Variants in ADK observed in about 807,000 individuals in gnomAD.
The protein encoded by ADK is adenosine kinase.
ADK carries 24 observed loss-of-function variants against 44.7 expected under a neutral mutation model. That is an observed-to-expected ratio of 0.54 (90% CI 0.39 to 0.76). The LOEUF is 0.76. Among genes scored for constraint, ADK ranks in the 30% least tolerant of loss-of-function variants. The pLI is 0.00. For missense variants in ADK, 321 were observed against 425.1 expected (o/e 0.76, Z 2.15); for synonymous variants, 128 against 142.6 (o/e 0.90, Z 0.73).
rs1033538229 is a variant in ADK at position 74,573,453 on chromosome 10, G to A, written c.727-15829G>A. Among the ~76,000 whole-genome samples, 8 of 152,318 alleles carry A rather than the reference G, an allele frequency of 5.3e-5. No homozygotes were observed. In the East Asian group the frequency reaches 1.2e-3, roughly 22 times the overall value. ...CCAGTTAGGCTGCTCAGGGGTCAGC[G>A]GTCAGGGACCCACTTGAGGAGGCAG... is the stretch of plus-strand genomic sequence containing the variant. On this transcript the variant is annotated intron_variant, in intron 7 of 10. Transcript: ENST00000539909.
chr10:74,202,876 T>A (rs998288050), intron 2 of ADK, among the ~76,000 whole-genome samples: 1 of 152,252 alleles, frequency 6.6e-6, no homozygotes, highest in Admixed American at 6.5e-5. Context: ...AGCATATGAT[T>A]TGCAAACATT....
intron 3 of ADK, among the ~76,000 whole-genome samples, chr10:74,260,436 A>G (rs1846001717): frequency 6.6e-6 from 1 of 152,010 alleles, no homozygotes; most frequent in South Asian, 2.1e-4. Context: ...CACCCAGCTA[A>G]TTTTTTAATT....
chr10:74,503,681 A>C (rs1847953176), intron 6 of ADK, among the ~76,000 whole-genome samples: 1 of 152,208 alleles, frequency 6.6e-6, no homozygotes, highest in Admixed American at 6.5e-5. Context: ...ATTGGGCAGA[A>C]AAATTATTAT....
At chr10:74,550,832 T>A (rs546573277) in intron 7 of ADK, among the ~76,000 whole-genome samples, 1 of 152,340 alleles carries the variant, frequency 6.6e-6, no homozygotes, top group South Asian at 2.1e-4. Context: ...ATATCTATAA[T>A]CATATGCTAT....
chr10:74,300,546 T>G (rs1294068011), intron 3 of ADK, among the ~76,000 whole-genome samples: 1 of 151,890 alleles, frequency 6.6e-6, no homozygotes, highest in African/African-American at 2.4e-5. Flanking sequence ...CCAGCTAAGC[T>G]TTTTGTATTT....
At chr10:74,200,936 T>G (rs1189822134) in intron 2 of ADK, 98 bp downstream of exon 2, 5 of 842,996 alleles carry the variant, frequency 5.9e-6, no homozygotes, top group Non-Finnish European at 9.8e-6. Flanking sequence ...ATGTCTTCAA[T>G]TAAAGGAAAA....
chr10:74,629,770 A>T (rs558306086), intron 9 of ADK, among the ~76,000 whole-genome samples: 110 of 152,320 alleles, frequency 7.2e-4, no homozygotes, highest in African/African-American at 2.6e-3. Flanking sequence ...TAAAAGTGAC[A>T]TATGAACTGG....
At chr10:74,473,168 A>T (rs997453023) in intron 6 of ADK, among the ~76,000 whole-genome samples, 31 of 130,042 alleles carry the variant, frequency 2.4e-4, no homozygotes, top group Non-Finnish European at 2.9e-4. Flanking sequence ...ATATATATAT[A>T]TACACACACA....
chr10:74,691,207 A>G (rs1855977114), intron 10 of ADK, among the ~76,000 whole-genome samples: 1 of 152,236 alleles, frequency 6.6e-6, no homozygotes, highest in Non-Finnish European at 1.5e-5. Context: ...GCTAAGAAAG[A>G]TGGAAAATAA....
intron 3 of ADK, among the ~76,000 whole-genome samples, chr10:74,253,255 AGC>A (rs1845713068): frequency 6.6e-6 from 1 of 152,274 alleles, no homozygotes; most frequent in African/African-American, 2.4e-5. Flanking sequence ...GGCAGAGAGT[AGC>A]AGTTCAGGGC....
At chr10:74,585,479 G>A (rs139920451) in intron 7 of ADK, among the ~76,000 whole-genome samples, 7 of 152,282 alleles carry the variant, frequency 4.6e-5, no homozygotes, top group Middle Eastern at 3.4e-3. Flanking sequence ...GAAAAAAAGC[G>A]TTAATGTGAA....
chr10:74,222,521 A>C (rs1389035514), intron 2 of ADK, among the ~76,000 whole-genome samples: 1 of 152,150 alleles, frequency 6.6e-6, no homozygotes, highest in Non-Finnish European at 1.5e-5. Context: ...GTGTATACCC[A>C]AAGGACTATA....
rs575092295 is a variant in ADK, at chr10:74,413,492, T to C, written c.555+14913T>C. Among the ~76,000 whole-genome samples, 10 of 152,344 alleles carry C rather than the reference T, an allele frequency of 6.6e-5. No individual in the cohort carries two copies. The South Asian group carries it at 2.1e-3, about 32-fold the overall frequency. On this transcript the variant is annotated intron_variant, in intron 6 of 10. Transcript: ENST00000539909. ...TTTCAACCTCACAAATTAGCCTCTCTTAGCTTCAGACTTTTCTTGCACAGC... is the reference window on the plus strand; with the variant it reads ...TTTCAACCTCACAAATTAGCCTCTCCTAGCTTCAGACTTTTCTTGCACAGC...
chr10:74,333,872 G>A (rs1203343486), intron 4 of ADK, among the ~76,000 whole-genome samples: 1 of 151,892 alleles, frequency 6.6e-6, no homozygotes, highest in African/African-American at 2.4e-5. Context: ...GGGACACCAG[G>A]GATGGTACCA....
intron 3 of ADK, among the ~76,000 whole-genome samples, chr10:74,296,181 AT>A (rs869069107): frequency 2.6e-5 from 4 of 151,746 alleles, no homozygotes; most frequent in Admixed American, 6.6e-5. Context: ...CATATAAAAA[AT>A]TTTTTTTATG....
intron 6 of ADK, among the ~76,000 whole-genome samples, chr10:74,485,222 A>G (rs1198088044): frequency 6.6e-6 from 1 of 152,168 alleles, no homozygotes; most frequent in African/African-American, 2.4e-5. Flanking sequence ...TAGTCAAAAG[A>G]TACCAACAGG....
At chr10:74,290,705 A>G (rs1847384389) in intron 3 of ADK, among the ~76,000 whole-genome samples, 2 of 152,014 alleles carry the variant, frequency 1.3e-5, no homozygotes, top group East Asian at 1.9e-4. Flanking sequence ...CTTCTTGCTT[A>G]TCACCCTAGG....
At chr10:74,599,206 C>A (rs1282455465) in intron 8 of ADK, among the ~76,000 whole-genome samples, 1 of 152,194 alleles carries the variant, frequency 6.6e-6, no homozygotes, top group Non-Finnish European at 1.5e-5. Flanking sequence ...TTTTCAGAAA[C>A]AACTGTCCTC....
intron 1 of ADK, among the ~76,000 whole-genome samples, chr10:74,196,993 T>G (rs960862209): frequency 2.4e-4 from 37 of 152,150 alleles, no homozygotes; most frequent in African/African-American, 8.7e-4. Flanking sequence ...AGCCATTAGG[T>G]TTTTAAGGCT....
Sources: gnomAD v4.1 joint callset for allele counts (sites outside exome capture counted in the v4.1 genomes callset) on GRCh38, gnomAD v4.1.1 for gene constraint, MANE v1.5 for transcripts, NCBI Gene and HGNC (gene_info 2026-07-23, HGNC 2026-07-21) for gene names.